ZNF442: variants seen among roughly 807,000 people sequenced by gnomAD.
ZNF442 encodes zinc finger protein 442.
In ZNF442, 45 loss-of-function variants were observed where a neutral mutation model predicts 57.0. That is an observed-to-expected ratio of 0.79 (90% confidence interval 0.62 to 1.01). ZNF442 has a LOEUF of 1.01. ZNF442 is among the 50% of genes least tolerant of loss of function. The pLI, the probability that ZNF442 is intolerant of heterozygous loss-of-function variation, is 0.00. For missense variants in ZNF442, 690 were observed against 756.5 expected, an observed-to-expected ratio of 0.91 and a Z score of 1.03; for synonymous variants, 213 against 241.8, an observed-to-expected ratio of 0.88 and a Z score of 1.10.
At position 12,361,758 on chromosome 19, in the gene ZNF442, C is replaced by T. The variant is rs1233989867; in HGVS notation, c.78+1796G>A. 3.4e-5 allele frequency among the ~76,000 whole-genome samples: 5 copies of T among 147,378 alleles called. No individual in the cohort carries two copies. In the East Asian group the frequency reaches 9.9e-4, roughly 29 times the overall value. On this transcript the variant is annotated intron_variant, in intron 3 of 5. Coordinates refer to ENST00000242804, the MANE Select transcript of ZNF442 (RefSeq NM_030824.3). ...CTCTCCCTCTCCCTCCACGGTCTCC[C>T]TCTGATGCCGAGCGGAGGCTGGACT...
Position 12,353,079 on chromosome 19 carries a change from G to A in ZNF442, c.114C>T (p.Phe38=), listed in dbSNP as rs557660391. ...CCAGCAAAGCCCACTCTTCCTGGGTGAAGTTCACCGCCACATCCTCAAAGG... is the reference window on the plus strand; with the variant it reads ...CCAGCAAAGCCCACTCTTCCTGGGTAAAGTTCACCGCCACATCCTCAAAGG... The part of the protein sequence containing the change: ...SVAFEDVAVN[F]TQEEWALLGP... The change falls in exon 4 of 6, where the codon TTC becomes TTT. Residue 38 remains phenylalanine (F), a synonymous_variant. Transcript: ENST00000242804. The A allele has an allele frequency of 1.7e-5, 27 of 1,613,392 alleles. No individual in the cohort carries two copies. In the South Asian group the frequency reaches 2.7e-4, roughly 16 times the overall value.
At chr19:12,370,007 C>A (rs186697290), upstream of ZNF442, among the ~76,000 whole-genome samples, 229 of 151,994 alleles carry the variant, frequency 1.5e-3, 4 homozygotes, top group East Asian at 1.9e-4. Flanking sequence ...CAGTTCCTAA[C>A]CTTTTTGGCA....
chr19:12,362,394 T>G (rs1969446850), intron 3 of ZNF442, among the ~76,000 whole-genome samples: 1 of 146,610 alleles, frequency 6.8e-6, no homozygotes, highest in Non-Finnish European at 1.5e-5. Flanking sequence ...AACTGAGGAG[T>G]GTCTCTGCCC....
At chr19:12,364,308 G>A (rs1248190827) in intron 2 of ZNF442, among the ~76,000 whole-genome samples, 1 of 151,304 alleles carries the variant, frequency 6.6e-6, no homozygotes, top group Non-Finnish European at 1.5e-5. Flanking sequence ...TCGGGAGGGT[G>A]AGACAGGAGA....
In ZNF442 at chr19:12,364,945, C is replaced by T. The variant is rs1460652990; in HGVS notation, c.-184G>A. The T allele has an allele frequency of 6.6e-6, 1 of 152,208 alleles. No homozygotes were observed. The highest frequency in any genetic ancestry group is 2.4e-5 in the African/African-American group (1 of 41,406). The allele number at this position is 152,208 out of a possible 1,614,324, so 9.4% of individuals were successfully genotyped here. A position where few individuals can be genotyped will look rare whatever the true frequency, so the allele number is the denominator to read the frequency against. On this transcript the variant is annotated 5_prime_UTR_variant, in exon 2 of 6. Transcript: ENST00000242804. ...CAAGTTCTTTCTCAGATCTTGAATT[C>T]CAACGGAAAGGCTGGCGCCAAGCAG...
upstream of ZNF442, among the ~76,000 whole-genome samples, chr19:12,367,252 C>T (rs1026186837): frequency 6.6e-5 from 10 of 152,266 alleles, no homozygotes; most frequent in Middle Eastern, 3.4e-3. Context: ...CACATATCGG[C>T]AGGTTCCATG....
Position 12,349,846 on chromosome 19 carries a change from G to C in ZNF442, c.1739C>G (p.Ala580Gly), listed in dbSNP as rs1333785405. ...TCGAAGGAAACGAGAACGAGTGAAG[G>C]CTTTACCACATTGTTGACATTCATA... is the stretch of plus-strand genomic sequence containing the variant. ...KSYECQQCGK[A>G]FTRSRFLRGH... The change falls in exon 6 of 6, where the codon GCC becomes GGC. Residue 580 changes from alanine (A) to glycine (G), a missense_variant. Coordinates refer to ENST00000242804, the MANE Select transcript of ZNF442 (RefSeq NM_030824.3). 2 of 1,613,848 alleles carry C rather than the reference G, an allele frequency of 1.2e-6. No homozygotes were observed. Among genetic ancestry groups the C allele is most frequent in the East Asian group, 2.2e-5 (1 of 44,860 alleles).
intron 1 of ZNF442, 34 bp downstream of exon 1, chr19:12,365,499 C>A (rs2144850829): frequency 1.8e-6 from 1 of 551,660 alleles, no homozygotes; most frequent in East Asian, 6.3e-5. Flanking sequence ...CAGTCCTTCG[C>A]CCTGCCCCAG....
intron 2 of ZNF442, among the ~76,000 whole-genome samples, chr19:12,364,407 C>CAAAAAAAAAA (rs35227073): frequency 0.017 from 1,543 of 92,626 alleles, 24 homozygotes; most frequent in African/African-American, 0.059. Flanking sequence ...AACTCCATCT[C>CAAAAAAAAAA]AAAAAAAAAA....
At chr19:12,369,733 T>C (rs1969566129), upstream of ZNF442, among the ~76,000 whole-genome samples, 1 of 151,106 alleles carries the variant, frequency 6.6e-6, no homozygotes, top group Non-Finnish European at 1.5e-5. Context: ...CCGTCTCTAC[T>C]AAAACAATAA....
At chr19:12,352,620 T>G (rs1969260432) in intron 4 of ZNF442, among the ~76,000 whole-genome samples, 1 of 152,220 alleles carries the variant, frequency 6.6e-6, no homozygotes. Flanking sequence ...ATGAAAACCT[T>G]TATGATGATC....
Position 12,353,124 on chromosome 19 carries a change from C to T in ZNF442, c.79-10G>A, listed in dbSNP as rs200245502. 8.7e-5 allele frequency: 140 copies of T among 1,604,142 alleles called. No homozygotes were observed. The highest frequency in any genetic ancestry group is 1.1e-4 in the Non-Finnish European group (134 of 1,177,112). ...CAAAGGCTACTGAATCCTGAAACAC[C>T]CCACATGTACAAAGGAGTAAGGCTG... On this transcript the variant is annotated splice_polypyrimidine_tract_variant and intron_variant, in intron 3 of 5. Transcript: ENST00000242804.
intron 3 of ZNF442, among the ~76,000 whole-genome samples, chr19:12,362,070 C>CA (rs1217350955): frequency 3.3e-5 from 5 of 152,200 alleles, no homozygotes; most frequent in African/African-American, 1.2e-4. Context: ...CGGCTCGCTA[C>CA]AACCTCCACC....
intron 1 of ZNF442, 141 bp downstream of exon 1, chr19:12,365,392 G>C: frequency 4.2e-6 from 1 of 238,012 alleles, no homozygotes; most frequent in South Asian, 6.4e-5. Flanking sequence ...CGAGGGGACT[G>C]AAGGCCGGCT....
In ZNF442 at chr19:12,347,178, T is replaced by C. The variant is rs942960294; in HGVS notation, c.*2523A>G. On this transcript the variant is annotated 3_prime_UTR_variant, in exon 6 of 6. Coordinates refer to ENST00000242804, the MANE Select transcript of ZNF442 (RefSeq NM_030824.3). ...CACTACAAGTTATTCTCATGAATAC[T>C]TCAATGAAACAGCTCTTATCAAGGC... 1 of 152,198 alleles carries C rather than the reference T, an allele frequency of 6.6e-6. No homozygotes were observed. The highest frequency in any genetic ancestry group is 1.5e-5 in the Non-Finnish European group (1 of 68,018). The allele number at this position is 152,198 out of a possible 1,614,324, so 9.4% of individuals were successfully genotyped here.
chr19:12,373,249 C>T, the ZNF442 span, among the ~76,000 whole-genome samples: 19 of 152,238 alleles, frequency 1.2e-4, no homozygotes, highest in African/African-American at 4.3e-4. Flanking sequence ...ATGAAATTAG[C>T]CCTAGGCTGG....
chr19:12,357,349 C>CTTTT (rs5827145), intron 3 of ZNF442, among the ~76,000 whole-genome samples: 181 of 95,298 alleles, frequency 1.9e-3, no homozygotes, highest in Non-Finnish European at 2.9e-3. Context: ...CTTTTTCTTT[C>CTTTT]TTTTTTTTTT....
upstream of ZNF442, chr19:12,365,698 A>T (rs540829002): frequency 8.4e-5 from 17 of 203,028 alleles, no homozygotes; most frequent in Non-Finnish European, 1.6e-4. Context: ...TCCTCCCGGC[A>T]GCGCGCCTGA....
At chr19:12,360,370 G>A (rs927553120) in intron 3 of ZNF442, among the ~76,000 whole-genome samples, 2 of 152,116 alleles carry the variant, frequency 1.3e-5, no homozygotes, top group African/African-American at 4.8e-5. Flanking sequence ...AAGTATAAAA[G>A]GCTTCTCCCA....
Sources: gnomAD v4.1 joint callset for allele counts (sites outside exome capture counted in the v4.1 genomes callset) on GRCh38, gnomAD v4.1.1 for gene constraint, MANE v1.5 for transcripts, NCBI Gene and HGNC (gene_info 2026-07-23, HGNC 2026-07-21) for gene names.